TACR1: variants seen among roughly 807,000 people sequenced by gnomAD.
TACR1 encodes substance-P receptor.
TACR1 carries 25 observed loss-of-function variants against 35.8 expected under a neutral mutation model. The ratio of observed to expected loss-of-function variants is 0.70; its 90% confidence interval spans 0.51 to 0.98. The LOEUF (loss-of-function observed/expected upper bound fraction) is 0.98, where lower values mean the gene tolerates loss of function less well. Ranked by LOEUF, TACR1 falls within the 50% of genes least tolerant of loss-of-function variation. TACR1 has a pLI of 0.00. For synonymous variants in TACR1, 195 were observed against 206.7 expected, an observed-to-expected ratio of 0.94 and a Z score of 0.48; for missense variants, 478 against 522.9, an observed-to-expected ratio of 0.91 and a Z score of 0.84.
intron 1 of TACR1, among the ~76,000 whole-genome samples, chr2:75,141,749 G>A (rs1221765796): frequency 6.6e-6 from 1 of 152,174 alleles, no homozygotes; most frequent in Non-Finnish European, 1.5e-5. Flanking sequence ...TGCTCAAAAT[G>A]TGTTACAGAA....
At chr2:75,198,500 G>A (rs749145200) in intron 1 of TACR1, 46 bp downstream of exon 1, 8 of 1,593,016 alleles carry the variant, frequency 5.0e-6, no homozygotes, top group Admixed American at 3.4e-5. Flanking sequence ...CAATGCCGTG[G>A]TCCTCTATGA....
intron 1 of TACR1, among the ~76,000 whole-genome samples, chr2:75,124,237 C>G (rs934385494): frequency 3.9e-5 from 6 of 152,202 alleles, no homozygotes; most frequent in African/African-American, 1.4e-4. Context: ...AAAAAGAACT[C>G]TCTGCTGCAC....
chr2:75,091,649 T>C (rs1481435822), intron 2 of TACR1, among the ~76,000 whole-genome samples: 1 of 152,230 alleles, frequency 6.6e-6, no homozygotes, highest in East Asian at 1.9e-4. Flanking sequence ...TGATCTGTCC[T>C]GTGTCTTCTA....
chr2:75,189,096 G>A (rs1675779780), intron 1 of TACR1: 1 of 152,202 alleles, frequency 6.6e-6, no homozygotes, highest in Admixed American at 6.5e-5. Context: ...CAAACTAGGG[G>A]TGGGGTGAGG....
At chr2:75,168,126 T>G (rs1320213799) in intron 1 of TACR1, among the ~76,000 whole-genome samples, 1 of 152,234 alleles carries the variant, frequency 6.6e-6, no homozygotes, top group Non-Finnish European at 1.5e-5. Flanking sequence ...TCACAGACTA[T>G]GTAGAAGAAT....
chr2:75,136,739 G>T (rs1439805807), intron 1 of TACR1, among the ~76,000 whole-genome samples: 1 of 152,162 alleles, frequency 6.6e-6, no homozygotes, highest in Non-Finnish European at 1.5e-5. Context: ...TAAGACAAAA[G>T]TTAAGAAATT....
intron 2 of TACR1, among the ~76,000 whole-genome samples, chr2:75,064,245 G>T (rs1024991499): frequency 6.6e-6 from 1 of 152,206 alleles, no homozygotes; most frequent in South Asian, 2.1e-4. Context: ...CTTAGGGAGA[G>T]GAGGCAGGGC....
chr2:75,127,586 C>T (rs913676973), intron 1 of TACR1, among the ~76,000 whole-genome samples: 1 of 152,260 alleles, frequency 6.6e-6, no homozygotes, highest in Middle Eastern at 3.4e-3. Context: ...GATTTGAAGG[C>T]CTGCGACAGT....
intron 1 of TACR1, 97 bp downstream of exon 1, chr2:75,198,449 T>C: frequency 2.8e-6 from 4 of 1,423,562 alleles, no homozygotes; most frequent in Non-Finnish European, 3.8e-6. Context: ...GTGGCCAATC[T>C]TCCACTTGAC....
At chr2:75,141,325 A>G (rs181226824) in intron 1 of TACR1, among the ~76,000 whole-genome samples, 148 of 152,316 alleles carry the variant, frequency 9.7e-4, no homozygotes, top group Non-Finnish European at 1.7e-3. Context: ...TCCCTATTCC[A>G]TTGAACAGAA....
At chr2:75,051,594 C>T in intron 3 of TACR1, 147 bp from the exon 4 acceptor site, 5 of 1,472,668 alleles carry the variant, frequency 3.4e-6, no homozygotes, top group Non-Finnish European at 4.5e-6. Context: ...GAGAAAGGAT[C>T]TTTACTATAT....
At chr2:75,161,342 C>T (rs956611476) in intron 1 of TACR1, among the ~76,000 whole-genome samples, 1 of 151,822 alleles carries the variant, frequency 6.6e-6, no homozygotes, top group African/African-American at 2.4e-5. Context: ...TCAAAAATAG[C>T]TCTTTAAAGA....
intron 1 of TACR1, among the ~76,000 whole-genome samples, chr2:75,135,514 C>A (rs543356943): frequency 6.6e-6 from 1 of 152,186 alleles, no homozygotes. Context: ...TGTCCCGGCG[C>A]CCGTGCTATC....
intron 2 of TACR1, among the ~76,000 whole-genome samples, chr2:75,094,702 G>A (rs1365022145): frequency 6.6e-6 from 1 of 151,650 alleles, no homozygotes. Flanking sequence ...TGGTGGAAAT[G>A]GTGGTGGCAG....
chr2:75,195,668 A>C (rs918019901), intron 1 of TACR1, among the ~76,000 whole-genome samples: 49 of 147,598 alleles, frequency 3.3e-4, no homozygotes, highest in African/African-American at 1.3e-3. Context: ...ATCTTAAGAA[A>C]ATAATCAAGA....
intron 2 of TACR1, among the ~76,000 whole-genome samples, chr2:75,056,628 A>G (rs957058945): frequency 1.3e-5 from 2 of 152,186 alleles, no homozygotes; most frequent in Admixed American, 6.5e-5. Flanking sequence ...TCTGTTGGCC[A>G]CACCATACCT....
chr2:75,093,762 C>T (rs548324712), intron 2 of TACR1, among the ~76,000 whole-genome samples: 2 of 152,194 alleles, frequency 1.3e-5, no homozygotes, highest in Admixed American at 1.3e-4. Flanking sequence ...TCTTATTAAG[C>T]ATAAGAATGC....
At chr2:75,087,477 T>A (rs1461975524) in intron 2 of TACR1, among the ~76,000 whole-genome samples, 1 of 152,256 alleles carries the variant, frequency 6.6e-6, no homozygotes, top group African/African-American at 2.4e-5. Flanking sequence ...ACAATCATCA[T>A]TCACCATGCA....
At chr2:75,082,097 G>A (rs1394159048) in intron 2 of TACR1, among the ~76,000 whole-genome samples, 1 of 151,754 alleles carries the variant, frequency 6.6e-6, no homozygotes, top group Non-Finnish European at 1.5e-5. Context: ...CAGGCTCTGG[G>A]GTATGATGTT....
Sources: gnomAD v4.1 joint callset for allele counts (sites outside exome capture counted in the v4.1 genomes callset) on GRCh38, gnomAD v4.1.1 for gene constraint, MANE v1.5 for transcripts, NCBI Gene and HGNC (gene_info 2026-07-23, HGNC 2026-07-21) for gene names.